NUP155: variants seen among roughly 807,000 people sequenced by gnomAD.
NUP155 encodes the protein nucleoporin 155, also known as nuclear pore complex protein Nup155.
In NUP155, 71 loss-of-function variants were observed where a neutral mutation model predicts 180.4. The ratio of observed to expected loss-of-function variants is 0.39; its 90% confidence interval spans 0.33 to 0.48. The LOEUF is 0.48. NUP155 is among the 20% of genes least tolerant of loss of function. The pLI, the probability that NUP155 is intolerant of heterozygous loss-of-function variation, is 0.91. For missense variants in NUP155, 1,553 were observed against 1,648.9 expected (o/e 0.94, Z 1.01); for synonymous variants, 582 against 559.5 (o/e 1.04, Z -0.57).
intron 4 of NUP155, among the ~76,000 whole-genome samples, chr5:37,355,335 C>G (rs1485672749): frequency 6.6e-6 from 1 of 151,710 alleles, no homozygotes; most frequent in Non-Finnish European, 1.5e-5. Flanking sequence ...ATGGCCAAAC[C>G]ACATGCTACT....
chr5:37,340,951 C>T, intron 11 of NUP155, 139 bp downstream of exon 11: 2 of 706,604 alleles, frequency 2.8e-6, no homozygotes, highest in South Asian at 1.8e-5. Context: ...TCAACCCTTG[C>T]TCCCCTACTT....
chr5:37,300,032 A>C (rs1397611697), intron 30 of NUP155, among the ~76,000 whole-genome samples: 2 of 152,072 alleles, frequency 1.3e-5, no homozygotes, highest in Non-Finnish European at 2.9e-5. Flanking sequence ...CGCCAAAAAA[A>C]AAAAAAAAGG....
chr5:37,352,684 A>C, intron 5 of NUP155, 53 bp downstream of exon 5: 1 of 1,156,942 alleles, frequency 8.6e-7, no homozygotes, highest in South Asian at 1.3e-5. Context: ...CTGTAATATC[A>C]ATTGGCCAAA....
chr5:37,329,385 A>G, intron 15 of NUP155, 107 bp from the exon 16 acceptor site: 3 of 800,712 alleles, frequency 3.7e-6, no homozygotes, highest in Non-Finnish European at 6.6e-6. Flanking sequence ...TGCTTTAAAC[A>G]TTAGAGACTT....
At chr5:37,326,201 T>C (rs1051382152) in intron 18 of NUP155, among the ~76,000 whole-genome samples, 2 of 152,194 alleles carry the variant, frequency 1.3e-5, no homozygotes, top group Non-Finnish European at 2.9e-5. Flanking sequence ...AGGCTCTGTA[T>C]AATAAATTGT....
chr5:37,312,370 TAA>T (rs34968825), intron 22 of NUP155, among the ~76,000 whole-genome samples: 12 of 144,566 alleles, frequency 8.3e-5, no homozygotes, highest in Non-Finnish European at 1.1e-4. Context: ...CAAAGAGGAT[TAA>T]AAAAAAAAAA....
intron 20 of NUP155, among the ~76,000 whole-genome samples, chr5:37,318,886 G>A: frequency 6.6e-6 from 1 of 152,130 alleles, no homozygotes; most frequent in Non-Finnish European, 1.5e-5. Flanking sequence ...AAAGGAAGGA[G>A]AATCATACAG....
chr5:37,304,763 G>A lies in NUP155; in HGVS notation c.3138C>T (p.Val1046=), dbSNP rs146561393. 187 of 1,612,246 alleles carry A rather than the reference G, an allele frequency of 1.2e-4. 1 individual carries two copies. The South Asian group carries it at 1.2e-3, about 10-fold the overall frequency. ...CCTGTAGCAGCTTATCTGCAAGGTC[G>A]ACTTGTATTAGCCAATTATAAAGGG... ...SIALYNWLIQ[V]DLADKLLQVA... Residue 1046 remains valine (V), a synonymous_variant, in exon 27 of 35, where the codon GTC becomes GTT. Transcript: ENST00000231498.
chr5:37,358,890 G>A (rs1459640681), intron 3 of NUP155, among the ~76,000 whole-genome samples: 1 of 152,028 alleles, frequency 6.6e-6, no homozygotes, highest in Non-Finnish European at 1.5e-5. Context: ...GGTGGCGCAC[G>A]CCTGTGGTCC....
At chr5:37,358,927 G>C (rs1276141368) in intron 3 of NUP155, among the ~76,000 whole-genome samples, 1 of 151,804 alleles carries the variant, frequency 6.6e-6, no homozygotes, top group Non-Finnish European at 1.5e-5. Context: ...TGAGGCAGGA[G>C]AATCACTTGA....
rs1745797493 is a variant in NUP155 at position 37,342,564 on chromosome 5, C to A, written c.1078G>T (p.Ala360Ser). 6.2e-7 allele frequency: 1 copy of A among 1,607,332 alleles called. No homozygotes were observed. The highest frequency in any genetic ancestry group is 8.5e-7 in the Non-Finnish European group (1 of 1,173,890). The change falls in exon 10 of 35, where the codon GCT (alanine) becomes TCT (serine). Residue 360 changes from alanine to serine, a missense_variant. Coordinates refer to ENST00000231498, the MANE Select transcript of NUP155 (RefSeq NM_153485.3). ...NSESLDCQLL[A>S]VTHAGVRLYF... Reference sequence around the variant, plus strand: ...AACAACATACCTGCATGTGTGACAGCCAATAACTGACAGTCCAGTGATTCA... The same window carrying A: ...AACAACATACCTGCATGTGTGACAGACAATAACTGACAGTCCAGTGATTCA...
intron 3 of NUP155, among the ~76,000 whole-genome samples, chr5:37,358,941 C>T (rs377154693): frequency 2.7e-5 from 4 of 149,362 alleles, no homozygotes; most frequent in African/African-American, 5.0e-5. Flanking sequence ...CACTTGAACC[C>T]GGGAGGCAGA....
At position 37,307,405 on chromosome 5, in the gene NUP155, A is replaced by T; in HGVS notation, c.2795T>A (p.Leu932His). Residue 932 changes from leucine (L) to histidine (H), a missense_variant, in exon 25 of 35, where the codon CTT (leucine) becomes CAT (histidine). Physicochemically the swap from Leu to His is moderately conservative, Grantham distance 99. Coordinates refer to ENST00000231498, the MANE Select transcript of NUP155 (RefSeq NM_153485.3). ...QVRFYEGVVE[L>H]SLTAAEKKDP... is the part of the protein sequence containing the mutation. ...TTTTTTCTCTGCAGCCGTAAGAGAA[A>T]GTTCCACCACACCCTCATAAAATCT... The T allele has an allele frequency of 6.2e-7, 1 of 1,614,028 alleles. No homozygotes were observed. The highest frequency in any genetic ancestry group is 1.1e-5 in the South Asian group (1 of 91,084).
intron 13 of NUP155, 122 bp downstream of exon 13, chr5:37,333,341 G>T (rs1382783658): frequency 5.6e-6 from 5 of 894,524 alleles, no homozygotes; most frequent in Non-Finnish European, 7.2e-6. Context: ...GGTGATGAGC[G>T]AGACTCCGTC....
chr5:37,367,864 A>G (rs1014218342), intron 1 of NUP155, among the ~76,000 whole-genome samples: 1 of 151,592 alleles, frequency 6.6e-6, no homozygotes, highest in East Asian at 2.0e-4. Flanking sequence ...GCTCACTGCA[A>G]CTTCCGCCTC....
rs1554123135 is a variant in NUP155, at chr5:37,288,768, A to AAAAATAGGGGGG, written c.*3131_*3132insCCCCCCTATTTT. 1 of 19,668 alleles carries AAAAATAGGGGGG rather than the reference A, an allele frequency of 5.1e-5. No homozygotes were observed. The highest frequency in any genetic ancestry group is 9.4e-5 in the African/African-American group (1 of 10,588). 1.2% of individuals were successfully genotyped at this position (19,668 alleles called of 1,614,324 possible). On this transcript the variant is annotated 3_prime_UTR_variant, in exon 35 of 35. Transcript: ENST00000231498. ...AAATTAAAAAAAAAAAAAAAAAAAA[A>AAAAATAGGGGGG]GTAGGGGGGGTGGGGCTAGGCGCAG...
At chr5:37,317,160 C>G (rs1480079815) in intron 21 of NUP155, among the ~76,000 whole-genome samples, 7 of 142,376 alleles carry the variant, frequency 4.9e-5, no homozygotes, top group Non-Finnish European at 7.6e-5. Flanking sequence ...CAGAGTGAGA[C>G]TCTGTCTCAA....
rs1742120517 is a variant in NUP155, at chr5:37,288,770, T to TGGGGGGGTGG, written c.*3129_*3130insCCACCCCCCC. 1 of 22,636 alleles carries TGGGGGGGTGG rather than the reference T, an allele frequency of 4.4e-5. No individual in the cohort carries two copies. The highest frequency in any genetic ancestry group is 1.4e-4 in the African/African-American group (1 of 7,242). 1.4% of individuals were successfully genotyped at this position (22,636 alleles called of 1,614,324 possible). On this transcript the variant is annotated 3_prime_UTR_variant, in exon 35 of 35. Transcript: ENST00000231498. ...ATTAAAAAAAAAAAAAAAAAAAAAG[T>TGGGGGGGTGG]AGGGGGGGTGGGGCTAGGCGCAGTG...
intron 32 of NUP155, among the ~76,000 whole-genome samples, chr5:37,295,795 G>C (rs1319244921): frequency 6.6e-6 from 1 of 151,636 alleles, no homozygotes; most frequent in Non-Finnish European, 1.5e-5. Flanking sequence ...GAGAAGTGAG[G>C]AGCCCCTCCG....
Sources: allele counts gnomAD v4.1 joint callset (sites outside exome capture counted in the v4.1 genomes callset), GRCh38; gene constraint gnomAD v4.1.1; transcripts MANE v1.5; gene names NCBI Gene and HGNC (gene_info 2026-07-23, HGNC 2026-07-21).